The following GNG7 variants were observed in gnomAD, a reference collection of about 807,000 sequenced individuals.
The protein encoded by GNG7 is G protein subunit gamma 7.
GNG7 carries 1 observed loss-of-function variant against 4.0 expected under a neutral mutation model. The observed-to-expected ratio is 0.25, with a 90% CI of 0.09 to 1.18. GNG7 has a LOEUF of 1.18. Among genes scored for constraint, GNG7 ranks in the 50% most tolerant of loss-of-function variants. GNG7 has a pLI of 0.50. For synonymous variants in GNG7, 34 were observed against 36.9 expected, an observed-to-expected ratio of 0.92 and a Z score of 0.29; for missense variants, 86 against 91.9, an observed-to-expected ratio of 0.94 and a Z score of 0.26.
intron 1 of GNG7, among the ~76,000 whole-genome samples, chr19:2,679,135 C>A (rs957044200): frequency 6.6e-6 from 1 of 152,124 alleles, no homozygotes; most frequent in Non-Finnish European, 1.5e-5. Flanking sequence ...GCAGCCTCAA[C>A]TTCCTAGGCT....
intron 1 of GNG7, among the ~76,000 whole-genome samples, chr19:2,685,915 G>A (rs1983859267): frequency 6.6e-6 from 1 of 152,196 alleles, no homozygotes; most frequent in African/African-American, 2.4e-5. Context: ...GTCCCCGCGA[G>A]AGGAGGCCTG....
At chr19:2,697,446 G>C (rs2144916896) in intron 1 of GNG7, among the ~76,000 whole-genome samples, 1 of 152,250 alleles carries the variant, frequency 6.6e-6, no homozygotes, top group Non-Finnish European at 1.5e-5. Context: ...GTGTGACTGA[G>C]GATGGGTCAG....
chr19:2,520,870 A>G, intron 3 of GNG7, 145 bp from the exon 4 acceptor site: 1 of 573,810 alleles, frequency 1.7e-6, no homozygotes, highest in Non-Finnish European at 3.1e-6. Context: ...CCGTGTACAA[A>G]GAGCTGGCAC....
intron 2 of GNG7, among the ~76,000 whole-genome samples, chr19:2,603,429 C>G (rs1162687548): frequency 6.6e-6 from 1 of 152,238 alleles, no homozygotes; most frequent in African/African-American, 2.4e-5. Flanking sequence ...TGAGGGGGAA[C>G]CCCCGGAGCT....
rs528259451 is a variant in GNG7, at chr19:2,614,828, C to T, written c.-78+31396G>A. Among the ~76,000 whole-genome samples, 8 of 152,312 alleles carry T rather than the reference C, an allele frequency of 5.3e-5. No homozygotes were observed. The South Asian group carries it at 1.0e-3, about 20-fold the overall frequency. On this transcript the variant is annotated intron_variant, in intron 2 of 4. Coordinates refer to ENST00000382159, the MANE Select transcript of GNG7 (RefSeq NM_052847.3). This position sits in a 1 kb window ranked among gnomAD's most constrained non-coding sequence, Gnocchi z 6.0. ...GGAGCGGAATTGCTGGGTCATGTGG[C>T]GACTCCGCGTTCAGCCTTTTGAGGA... is the stretch of plus-strand genomic sequence containing the variant.
chr19:2,517,396 ACT>A (rs371680017), intron 4 of GNG7, among the ~76,000 whole-genome samples: 225 of 151,560 alleles, frequency 1.5e-3, no homozygotes, highest in African/African-American at 4.9e-3. Flanking sequence ...ACAGAGTCTC[ACT>A]CTGTCAGCCA....
chr19:2,589,252 T>G (rs535211287), intron 2 of GNG7, among the ~76,000 whole-genome samples: 31 of 149,938 alleles, frequency 2.1e-4, no homozygotes, highest in Non-Finnish European at 4.0e-4. Context: ...AGATGGAGTC[T>G]CCCTCCGTGG....
chr19:2,553,011 C>T (rs900756257), intron 3 of GNG7, among the ~76,000 whole-genome samples: 1 of 149,358 alleles, frequency 6.7e-6, no homozygotes, highest in Admixed American at 6.9e-5. Context: ...ATCAGAGCAG[C>T]GATAAACGAG....
chr19:2,612,451 C>A (rs1019369072), intron 2 of GNG7, among the ~76,000 whole-genome samples: 4 of 152,016 alleles, frequency 2.6e-5, no homozygotes, highest in African/African-American at 9.7e-5. Flanking sequence ...CATTTCATAT[C>A]GGGGTGACCC....
At chr19:2,575,892 G>GGC (rs1980317261) in intron 2 of GNG7, among the ~76,000 whole-genome samples, 1 of 148,260 alleles carries the variant, frequency 6.7e-6, no homozygotes, top group African/African-American at 2.5e-5. Context: ...GGCACACGCA[G>GGC]ACACGCAGGC....
intron 1 of GNG7, among the ~76,000 whole-genome samples, chr19:2,651,369 ATCCCTCCCTCCCTC>A (rs1568274557): frequency 5.5e-4 from 10 of 18,254 alleles, no homozygotes; most frequent in African/African-American, 2.3e-3. Flanking sequence ...CCTTCCCTCC[ATCCCTCCCTCCCTC>A]CCTTCCCTCC....
intron 1 of GNG7, among the ~76,000 whole-genome samples, chr19:2,682,741 C>T (rs1027571964): frequency 8.2e-4 from 124 of 150,478 alleles, no homozygotes; most frequent in Non-Finnish European, 1.7e-3. Context: ...CCGGTGAAGT[C>T]TCCCACTCCA....
chr19:2,523,029 G>C (rs1978318366), intron 3 of GNG7, among the ~76,000 whole-genome samples: 1 of 151,436 alleles, frequency 6.6e-6, no homozygotes, highest in African/African-American at 2.4e-5. Flanking sequence ...ACCATGCCTG[G>C]CTAATCTTTG....
intron 1 of GNG7, among the ~76,000 whole-genome samples, chr19:2,675,517 G>C (rs1983572010): frequency 6.6e-6 from 1 of 152,238 alleles, no homozygotes; most frequent in African/African-American, 2.4e-5. Flanking sequence ...TGGTTAAAGA[G>C]TAGAGAATAT....
At chr19:2,665,900 G>A (rs933752840) in intron 1 of GNG7, among the ~76,000 whole-genome samples, 8 of 152,102 alleles carry the variant, frequency 5.3e-5, no homozygotes, top group African/African-American at 1.9e-4. Context: ...ATGGAGTCTT[G>A]CTCTGTCATC....
chr19:2,622,129 G>C (rs1344462008), intron 2 of GNG7, among the ~76,000 whole-genome samples: 2 of 151,674 alleles, frequency 1.3e-5, no homozygotes, highest in African/African-American at 4.9e-5. Flanking sequence ...ACCCAGGCTG[G>C]AGTGCAGTGG....
intron 4 of GNG7, among the ~76,000 whole-genome samples, chr19:2,517,352 A>AT (rs1972750008): frequency 6.6e-6 from 1 of 151,350 alleles, no homozygotes; most frequent in African/African-American, 2.4e-5. Context: ...CCTGGCCATA[A>AT]TTTTCATTTT....
At chr19:2,695,670 G>A (rs778870577) in intron 1 of GNG7, among the ~76,000 whole-genome samples, 8 of 152,160 alleles carry the variant, frequency 5.3e-5, no homozygotes, top group Non-Finnish European at 1.0e-4. Context: ...GACCCCATGA[G>A]GAACTGGGGT....
intron 2 of GNG7, among the ~76,000 whole-genome samples, chr19:2,567,591 G>T (rs1171120206): frequency 2.6e-5 from 4 of 152,134 alleles, no homozygotes; most frequent in African/African-American, 9.7e-5. Flanking sequence ...CTCCCAAAGT[G>T]CTGGGATTGC....
Sources: gnomAD v4.1 joint callset for allele counts (sites outside exome capture counted in the v4.1 genomes callset) on GRCh38, gnomAD v4.1.1 for gene constraint, Gnocchi (gnomAD v3.1) non-coding constraint, MANE v1.5 for transcripts, NCBI Gene and HGNC (gene_info 2026-07-23, HGNC 2026-07-21) for gene names.